CNBD1: variants seen among roughly 807,000 people sequenced by gnomAD.
CNBD1 encodes cyclic nucleotide-binding domain-containing protein 1.
In CNBD1, 71 loss-of-function variants were observed where a neutral mutation model predicts 54.4. That is an observed-to-expected ratio of 1.30 (90% CI 1.08 to 1.59). The LOEUF is 1.59. Ranked by LOEUF, CNBD1 falls within the 40% of genes most tolerant of loss-of-function variation. The probability of loss-of-function intolerance (pLI) is 0.00; values close to 1 mark genes in which losing one functional copy is unlikely to be tolerated. For missense variants in CNBD1, 659 were observed against 518.0 expected (o/e 1.27, Z -2.64); for synonymous variants, 182 against 170.7 (o/e 1.07, Z -0.51).
chr8:86,937,292 G>C (rs1809566427), intron 3 of CNBD1, among the ~76,000 whole-genome samples: 1 of 152,104 alleles, frequency 6.6e-6, no homozygotes, highest in Admixed American at 6.6e-5. Flanking sequence ...ACCTCCCACT[G>C]GGTCCCTCCC....
intron 5 of CNBD1, among the ~76,000 whole-genome samples, chr8:87,230,365 T>C (rs1814652555): frequency 6.6e-6 from 1 of 152,174 alleles, no homozygotes. Context: ...TGAGGTTGTT[T>C]ATAAAATCTA....
chr8:86,964,251 T>C (rs578109264), intron 4 of CNBD1, among the ~76,000 whole-genome samples: 22 of 112,946 alleles, frequency 1.9e-4, no homozygotes, highest in Non-Finnish European at 3.5e-4. Context: ...CTAGTCCCAG[T>C]CCCTTGCAAG....
rs1227200973 is a variant in CNBD1 at position 87,130,728 on chromosome 8, G to T, written c.432-75265G>T. Among the ~76,000 whole-genome samples the T allele has an allele frequency of 1.6e-4, 24 of 148,172 alleles. No individual in the cohort carries two copies. The Admixed American group carries it at 1.6e-3, about 10-fold the overall frequency. ...GGAGGCAGAGGTTGCAATGAGCTGA[G>T]ATCACCTTACTGCACTGTAGCTCAG... On this transcript the variant is annotated intron_variant, in intron 4 of 10. Transcript: ENST00000518476.
intron 4 of CNBD1, among the ~76,000 whole-genome samples, chr8:87,007,908 G>T (rs1418205644): frequency 6.6e-6 from 1 of 152,080 alleles, no homozygotes; most frequent in Admixed American, 6.6e-5. Flanking sequence ...ATCATTAAAT[G>T]ACTCCAAAAA....
chr8:87,202,615 T>A (rs549259351), intron 4 of CNBD1, among the ~76,000 whole-genome samples: 1 of 152,280 alleles, frequency 6.6e-6, no homozygotes, highest in East Asian at 1.9e-4. Flanking sequence ...AGTACTAACA[T>A]AATGGCTGTC....
chr8:86,890,972 C>A (rs1808759988), intron 2 of CNBD1, among the ~76,000 whole-genome samples: 1 of 145,264 alleles, frequency 6.9e-6, no homozygotes. Context: ...AGTTGAGTTC[C>A]TTGTATATTT....
intron 4 of CNBD1, among the ~76,000 whole-genome samples, chr8:87,147,775 A>G (rs901619485): frequency 1.3e-5 from 2 of 152,120 alleles, no homozygotes; most frequent in Non-Finnish European, 2.9e-5. Context: ...CCTAGCCCAA[A>G]AAAAGGAAAC....
At chr8:87,154,831 T>A (rs11775836) in intron 4 of CNBD1, among the ~76,000 whole-genome samples, 84,463 of 151,992 alleles carry the variant, frequency 0.56, 25,002 homozygotes, top group African/African-American at 0.77. Context: ...AGATCGTTAG[T>A]GTAGAACGCA....
chr8:87,256,211 TG>T (rs1362640364), intron 6 of CNBD1, among the ~76,000 whole-genome samples: 1 of 150,096 alleles, frequency 6.7e-6, no homozygotes, highest in Non-Finnish European at 1.5e-5. Flanking sequence ...TTAGTAGAGA[TG>T]GTGTTTCCTC....
downstream of CNBD1, among the ~76,000 whole-genome samples, chr8:87,383,202 G>C (rs1811117338): frequency 1.3e-5 from 2 of 151,928 alleles, no homozygotes; most frequent in South Asian, 4.1e-4. Flanking sequence ...TTATATTATG[G>C]AGAATATCAG....
chr8:87,076,409 T>G (rs1267170463), intron 4 of CNBD1, among the ~76,000 whole-genome samples: 1 of 152,080 alleles, frequency 6.6e-6, no homozygotes, highest in Non-Finnish European at 1.5e-5. Context: ...ATTATTTAGG[T>G]CTCCTAATTG....
chr8:86,916,738 CTG>C (rs1809192103), intron 3 of CNBD1, among the ~76,000 whole-genome samples: 1 of 151,936 alleles, frequency 6.6e-6, no homozygotes, highest in African/African-American at 2.4e-5. Flanking sequence ...GAATCTCACT[CTG>C]TCACCCAAGC....
At chr8:87,389,948 T>C (rs944182816) in intron 2 of CNBD1, among the ~76,000 whole-genome samples, 1 of 151,974 alleles carries the variant, frequency 6.6e-6, no homozygotes. Context: ...ATGCCACATA[T>C]CTACAACAAT....
chr8:87,254,148 A>C (rs1807962533), intron 6 of CNBD1, among the ~76,000 whole-genome samples: 1 of 152,208 alleles, frequency 6.6e-6, no homozygotes, highest in African/African-American at 2.4e-5. Flanking sequence ...CCATGTCATC[A>C]GAGTTGATGA....
chr8:87,230,495 G>T (rs927095833), intron 5 of CNBD1, among the ~76,000 whole-genome samples: 2 of 152,156 alleles, frequency 1.3e-5, no homozygotes, highest in Non-Finnish European at 2.9e-5. Flanking sequence ...ATGTATGTTT[G>T]TATGTGTGTG....
downstream of CNBD1, among the ~76,000 whole-genome samples, chr8:87,383,069 A>G (rs1811114386): frequency 6.6e-6 from 1 of 152,036 alleles, no homozygotes; most frequent in South Asian, 2.1e-4. Flanking sequence ...GCATATGTAA[A>G]AGGCAAAAAG....
At chr8:87,050,719 C>T (rs757372650) in intron 4 of CNBD1, among the ~76,000 whole-genome samples, 4 of 152,170 alleles carry the variant, frequency 2.6e-5, no homozygotes, top group Non-Finnish European at 5.9e-5. Context: ...AATAATCACC[C>T]AATTAATTCG....
chr8:87,379,145 T>C (rs1299263358), intron 10 of CNBD1, among the ~76,000 whole-genome samples: 3 of 151,912 alleles, frequency 2.0e-5, no homozygotes, highest in African/African-American at 4.8e-5. Flanking sequence ...ATACCCTTTA[T>C]TTCCTTCTCC....
At chr8:86,991,380 C>G (rs1209579526) in intron 4 of CNBD1, among the ~76,000 whole-genome samples, 1 of 151,820 alleles carries the variant, frequency 6.6e-6, no homozygotes, top group East Asian at 1.9e-4. Flanking sequence ...CTCTCTGACA[C>G]ACACTCTCTC....
Sources: gnomAD v4.1 joint callset for allele counts (sites outside exome capture counted in the v4.1 genomes callset) on GRCh38, gnomAD v4.1.1 for gene constraint, MANE v1.5 for transcripts, NCBI Gene and HGNC (gene_info 2026-07-23, HGNC 2026-07-21) for gene names.